Variants in PDZRN3 observed in about 807,000 individuals in gnomAD.
The protein encoded by PDZRN3 is E3 ubiquitin-protein ligase PDZRN3.
In PDZRN3, 38 loss-of-function variants were observed where a neutral mutation model predicts 85.7. The observed-to-expected ratio is 0.44, with a 90% CI of 0.34 to 0.58. The LOEUF is 0.58. Among genes scored for constraint, PDZRN3 ranks in the 20% least tolerant of loss-of-function variants. PDZRN3 has a pLI of 0.01. For missense variants in PDZRN3, 1,629 were observed against 1,506.4 expected (o/e 1.08, Z -1.35); for synonymous variants, 759 against 638.0 (o/e 1.19, Z -2.86).
Position 73,569,108 on chromosome 3 carries a change from A to G in PDZRN3, c.918+33246T>C, listed in dbSNP as rs762490281. ...TGCAGCTGAACTTTGAACCCAGCTCACCTATTCTAAATCACACACCCCTTT... is the reference window on the plus strand; with the variant it reads ...TGCAGCTGAACTTTGAACCCAGCTCGCCTATTCTAAATCACACACCCCTTT... On this transcript the variant is annotated intron_variant, in intron 3 of 9. Coordinates refer to ENST00000263666, the MANE Select transcript of PDZRN3 (RefSeq NM_015009.3). 1.1e-5 allele frequency: 13 copies of G among 1,186,042 alleles called. No homozygotes were observed. In the African/African-American group the frequency reaches 2.0e-4, roughly 19 times the overall value. 73.5% of individuals were successfully genotyped at this position (1,186,042 alleles called of 1,614,324 possible). A position where few individuals can be genotyped will look rare whatever the true frequency, so the allele number is the denominator to read the frequency against.
intron 3 of PDZRN3, among the ~76,000 whole-genome samples, chr3:73,440,369 C>T (rs984187712): frequency 1.2e-4 from 18 of 152,232 alleles, no homozygotes; most frequent in African/African-American, 4.3e-4. Flanking sequence ...GCAACAGACC[C>T]GGAAACAGGC....
At chr3:73,538,167 C>T (rs898084426) in intron 3 of PDZRN3, among the ~76,000 whole-genome samples, 61 of 152,218 alleles carry the variant, frequency 4.0e-4, no homozygotes, top group African/African-American at 1.4e-3. Flanking sequence ...CCCAATGATA[C>T]ATTCTACTTT....
At chr3:73,415,354 G>A (rs1359336089) in intron 3 of PDZRN3, among the ~76,000 whole-genome samples, 1 of 152,210 alleles carries the variant, frequency 6.6e-6, no homozygotes, top group Admixed American at 6.5e-5. Context: ...TGAGTGGGGT[G>A]CAGACTATCA....
chr3:73,612,864 CA>C (rs749757141), intron 1 of PDZRN3, among the ~76,000 whole-genome samples: 3 of 152,182 alleles, frequency 2.0e-5, no homozygotes. Context: ...CTGAGATAGA[CA>C]GATACCCAAA....
chr3:73,431,651 G>A (rs1276541400), intron 3 of PDZRN3, among the ~76,000 whole-genome samples: 1 of 152,152 alleles, frequency 6.6e-6, no homozygotes, highest in Non-Finnish European at 1.5e-5. Context: ...TTGGCACAAG[G>A]GTAATGGGTC....
At chr3:73,525,588 C>A (rs886233742) in intron 3 of PDZRN3, among the ~76,000 whole-genome samples, 15 of 152,200 alleles carry the variant, frequency 9.9e-5, no homozygotes, top group African/African-American at 3.6e-4. Flanking sequence ...CTTCTTCCAA[C>A]TGATTGGGAA....
chr3:73,443,151 C>T (rs911577952), intron 3 of PDZRN3, among the ~76,000 whole-genome samples: 5 of 152,196 alleles, frequency 3.3e-5, no homozygotes, highest in Non-Finnish European at 5.9e-5. Context: ...TATTCATTCA[C>T]GCCTCCGTAT....
intron 3 of PDZRN3, among the ~76,000 whole-genome samples, chr3:73,418,956 A>AGCTTC (rs1702145519): frequency 6.6e-6 from 1 of 152,200 alleles, no homozygotes; most frequent in Admixed American, 6.5e-5. Flanking sequence ...TTTGTTGTCG[A>AGCTTC]ATTGTTAGAG....
intron 3 of PDZRN3, among the ~76,000 whole-genome samples, chr3:73,476,789 G>A (rs954043278): frequency 6.6e-6 from 1 of 152,124 alleles, no homozygotes; most frequent in African/African-American, 2.4e-5. Flanking sequence ...AAGACCTGAG[G>A]CCTTGGCAAA....
intron 5 of PDZRN3, among the ~76,000 whole-genome samples, chr3:73,397,028 CTTTTTCTTTCTTT>C (rs941766124): frequency 5.5e-5 from 8 of 145,364 alleles, no homozygotes; most frequent in South Asian, 2.2e-4. Flanking sequence ...TTTCTTTCTT[CTTTTTCTTTCTTT>C]TTTTTTTTTT....
At chr3:73,614,659 T>C (rs1025192201) in intron 1 of PDZRN3, among the ~76,000 whole-genome samples, 1 of 152,202 alleles carries the variant, frequency 6.6e-6, no homozygotes, top group African/African-American at 2.4e-5. Context: ...CTCTGTCTGT[T>C]GACTAGTGAC....
At chr3:73,414,972 G>A (rs564373608) in intron 3 of PDZRN3, among the ~76,000 whole-genome samples, 1 of 152,060 alleles carries the variant, frequency 6.6e-6, no homozygotes. Flanking sequence ...TATTTTCTAC[G>A]TACCATGCAG....
At chr3:73,452,112 C>A (rs1241961883) in intron 3 of PDZRN3, among the ~76,000 whole-genome samples, 1 of 152,132 alleles carries the variant, frequency 6.6e-6, no homozygotes, top group Non-Finnish European at 1.5e-5. Context: ...ATAGCTCGGG[C>A]CACAGCAATA....
At chr3:73,477,561 A>G (rs1462704959) in intron 3 of PDZRN3, among the ~76,000 whole-genome samples, 1 of 152,204 alleles carries the variant, frequency 6.6e-6, no homozygotes, top group Non-Finnish European at 1.5e-5. Context: ...ATGTTCTCCA[A>G]CATTCAAAAA....
intron 3 of PDZRN3, among the ~76,000 whole-genome samples, chr3:73,434,303 T>C (rs991176979): frequency 1.3e-5 from 2 of 152,220 alleles, no homozygotes; most frequent in African/African-American, 2.4e-5. Context: ...AAATTTCTGA[T>C]GATATAAAAT....
At chr3:73,619,008 T>C (rs376796718) in intron 1 of PDZRN3, among the ~76,000 whole-genome samples, 222 of 152,326 alleles carry the variant, frequency 1.5e-3, no homozygotes, top group African/African-American at 1.7e-3. Flanking sequence ...TTTGATACAA[T>C]TGTCTATCAG....
At chr3:73,416,935 A>G (rs13315409) in intron 3 of PDZRN3, among the ~76,000 whole-genome samples, 4,568 of 127,284 alleles carry the variant, frequency 0.036, 285 homozygotes, top group African/African-American at 0.13. Context: ...TCCATCACCC[A>G]GGCGGGAGTG....
chr3:73,566,105 A>G (rs1701945307), intron 3 of PDZRN3, among the ~76,000 whole-genome samples: 1 of 152,200 alleles, frequency 6.6e-6, no homozygotes, highest in Admixed American at 6.5e-5. Flanking sequence ...ATGTGACATG[A>G]TCATTGTTTG....
At position 73,512,318 on chromosome 3, in the gene PDZRN3, T is replaced by G. The variant is rs1704180571; in HGVS notation, c.918+90036A>C. ...AACGCACTTTACATTTCAAAACAGA[T>G]GATTCTAAATTGTTCATAAATATTT... On this transcript the variant is annotated intron_variant, in intron 3 of 9. Transcript: ENST00000263666. 2.0e-5 allele frequency among the ~76,000 whole-genome samples: 3 copies of G among 152,218 alleles called. No individual in the cohort carries two copies. The South Asian group carries it at 6.2e-4, about 32-fold the overall frequency.
Sources: gnomAD v4.1 joint callset for allele counts (sites outside exome capture counted in the v4.1 genomes callset) on GRCh38, gnomAD v4.1.1 for gene constraint, MANE v1.5 for transcripts, NCBI Gene and HGNC (gene_info 2026-07-23, HGNC 2026-07-21) for gene names.